ANKMY1: variants seen among roughly 807,000 people sequenced by gnomAD.
ANKMY1 encodes ankyrin repeat and MYND domain containing 1.
In ANKMY1, 98 loss-of-function variants were observed where a neutral mutation model predicts 102.0. The ratio of observed to expected loss-of-function variants is 0.96; its 90% confidence interval spans 0.82 to 1.14. The LOEUF is 1.14. ANKMY1 is among the 50% of genes most tolerant of loss of function. The probability of loss-of-function intolerance (pLI) is 0.00; values close to 1 mark genes in which losing one functional copy is unlikely to be tolerated. For synonymous variants in ANKMY1, 582 were observed against 559.9 expected, an observed-to-expected ratio of 1.04 and a Z score of -0.56; for missense variants, 1,330 against 1,347.6, an observed-to-expected ratio of 0.99 and a Z score of 0.20.
chr2:240,538,508 G>A (rs2152495886), intron 4 of ANKMY1, among the ~76,000 whole-genome samples: 1 of 152,238 alleles, frequency 6.6e-6, no homozygotes, highest in African/African-American at 2.4e-5. Flanking sequence ...GGACTCAGCT[G>A]CCTCCCCACG....
chr2:240,527,051 G>T (rs1384373332), intron 5 of ANKMY1: 38 of 976,224 alleles, frequency 3.9e-5, no homozygotes, highest in Admixed American at 1.1e-4. Flanking sequence ...GTAGGTGGAT[G>T]TATGTTGCAT....
chr2:240,508,757 T>C (rs1423811032), intron 12 of ANKMY1, among the ~76,000 whole-genome samples: 1 of 107,460 alleles, frequency 9.3e-6, no homozygotes, highest in Non-Finnish European at 1.8e-5. Flanking sequence ...AAATGATAGA[T>C]GGATGAATGA....
chr2:240,545,533 A>T (rs1486430432), intron 4 of ANKMY1, among the ~76,000 whole-genome samples: 2 of 152,250 alleles, frequency 1.3e-5, no homozygotes, highest in African/African-American at 2.4e-5. Context: ...GAGCTGAGAG[A>T]AGAAGGCTTC....
In ANKMY1 at chr2:240,520,660, A is replaced by T. The variant is rs184605640; in HGVS notation, c.1833-127T>A. 345 of 1,169,182 alleles carry T rather than the reference A, an allele frequency of 3.0e-4. 1 individual carries two copies. The African/African-American group carries it at 4.6e-3, about 16-fold the overall frequency. The allele number at this position is 1,169,182 out of a possible 1,614,324, so 72.4% of individuals were successfully genotyped here. ...GAGTATGTGTGTGCCGCAACTACACAATCACACACACAGCACACACCCACA... is the reference window on the plus strand; with the variant it reads ...GAGTATGTGTGTGCCGCAACTACACTATCACACACACAGCACACACCCACA... On this transcript the variant is annotated intron_variant, in intron 8 of 17. Coordinates refer to ENST00000401804, the MANE Select transcript of ANKMY1 (RefSeq NM_001282771.3). This position sits in a 1 kb window ranked among gnomAD's most constrained non-coding sequence, Gnocchi z 4.8.
intron 4 of ANKMY1, among the ~76,000 whole-genome samples, chr2:240,542,717 T>C (rs920360411): frequency 4.8e-5 from 4 of 83,776 alleles, no homozygotes; most frequent in African/African-American, 6.6e-5. Flanking sequence ...GATATGTTTA[T>C]ATCTATATAT....
At chr2:240,543,658 G>A (rs1204177067) in intron 4 of ANKMY1, among the ~76,000 whole-genome samples, 1 of 151,892 alleles carries the variant, frequency 6.6e-6, no homozygotes, top group Non-Finnish European at 1.5e-5. Flanking sequence ...AATATTCACA[G>A]GTTATAAAAT....
intron 4 of ANKMY1, among the ~76,000 whole-genome samples, chr2:240,544,014 G>A (rs2152538960): frequency 1.3e-5 from 2 of 152,268 alleles, no homozygotes; most frequent in Admixed American, 1.3e-4. Context: ...CAAAGAAGAT[G>A]TGCTGTGAGA....
downstream of ANKMY1, among the ~76,000 whole-genome samples, chr2:240,478,983 G>A (rs1162686154): frequency 1.3e-5 from 2 of 152,124 alleles, no homozygotes; most frequent in Non-Finnish European, 2.9e-5. Context: ...GAATTTCCAC[G>A]CAGGCCACCC....
chr2:240,532,289 A>G (rs1207093802), intron 4 of ANKMY1, among the ~76,000 whole-genome samples: 1 of 152,222 alleles, frequency 6.6e-6, no homozygotes, highest in African/African-American at 2.4e-5. Context: ...CAAGAAAATA[A>G]CTGTCAACCT....
chr2:240,538,502 T>G (rs2152495846), intron 4 of ANKMY1, among the ~76,000 whole-genome samples: 1 of 152,224 alleles, frequency 6.6e-6, no homozygotes, highest in South Asian at 2.1e-4. Flanking sequence ...TCGTGGGGAC[T>G]CAGCTGCCTC....
At chr2:240,505,492 T>C (rs1195684913) in intron 13 of ANKMY1, among the ~76,000 whole-genome samples, 1 of 151,730 alleles carries the variant, frequency 6.6e-6, no homozygotes, top group Non-Finnish European at 1.5e-5. Flanking sequence ...ATAGAATGAT[T>C]ATACCATAGG....
At chr2:240,473,824 G>A in the ANKMY1 span, among the ~76,000 whole-genome samples, 15 of 152,028 alleles carry the variant, frequency 9.9e-5, no homozygotes, top group East Asian at 3.9e-4. Flanking sequence ...ATCCTGTTTC[G>A]GTAAAAACTC....
chr2:240,530,102 C>T (rs11681046), intron 4 of ANKMY1, among the ~76,000 whole-genome samples: 5 of 152,070 alleles, frequency 3.3e-5, no homozygotes, highest in Non-Finnish European at 7.4e-5. Context: ...GCAGCTCCCA[C>T]GCCTTTGCCT....
intron 16 of ANKMY1, among the ~76,000 whole-genome samples, chr2:240,481,320 T>A (rs2075355401): frequency 6.6e-6 from 1 of 152,112 alleles, no homozygotes; most frequent in South Asian, 2.1e-4. Flanking sequence ...ACCAACACAT[T>A]CCGAGCTCTG....
chr2:240,545,087 C>T (rs1352280918), intron 4 of ANKMY1, among the ~76,000 whole-genome samples: 2 of 150,574 alleles, frequency 1.3e-5, no homozygotes, highest in Non-Finnish European at 3.0e-5. Context: ...CAACAGTAAC[C>T]TCTGCAGACT....
rs1179112780 is a variant in ANKMY1, at chr2:240,480,962, C to G, written c.3021G>C (p.Lys1007Asn). 6.2e-7 allele frequency: 1 copy of G among 1,612,278 alleles called. No individual in the cohort carries two copies. The highest frequency in any genetic ancestry group is 8.5e-7 in the Non-Finnish European group (1 of 1,178,608). Residue 1007 changes from lysine (K) to asparagine (N), a missense_variant, in exon 17 of 18, where the codon AAG (lysine) becomes AAC (asparagine). Transcript: ENST00000401804. ...KTKAWTEFHK[K>N]DCGDLVAIVT... ...CGATGGCCACCAGGTCCCCGCAGTCCTTCTTGTGGAACTCGGTCCAGGCCT... is the reference window on the plus strand; with the variant it reads ...CGATGGCCACCAGGTCCCCGCAGTCGTTCTTGTGGAACTCGGTCCAGGCCT...
chr2:240,524,520 T>C lies in ANKMY1; in HGVS notation c.1336-139A>G, dbSNP rs2082964906. 4.2e-6 allele frequency: 4 copies of C among 963,368 alleles called. No individual in the cohort carries two copies. In the South Asian group the frequency reaches 7.0e-5, roughly 17 times the overall value. 59.7% of individuals were successfully genotyped at this position (963,368 alleles called of 1,614,324 possible). A position where few individuals can be genotyped will look rare whatever the true frequency, so the allele number is the denominator to read the frequency against. Reference sequence around the variant, plus strand: ...TAGGCTGAAAAGACCAGGGCAGCTTTCCCCAAACCCTCAAAGAGAAAAGAA... The same window carrying C: ...TAGGCTGAAAAGACCAGGGCAGCTTCCCCCAAACCCTCAAAGAGAAAAGAA... On this transcript the variant is annotated intron_variant, in intron 7 of 17. Transcript: ENST00000401804.
In ANKMY1 at chr2:240,525,002, G is replaced by C. The variant is rs948681499; in HGVS notation, c.1336-621C>G. 5.3e-5 allele frequency among the ~76,000 whole-genome samples: 8 copies of C among 152,346 alleles called. No individual in the cohort carries two copies. The East Asian group carries it at 1.5e-3, about 29-fold the overall frequency. On this transcript the variant is annotated intron_variant, in intron 7 of 17. Coordinates refer to ENST00000401804, the MANE Select transcript of ANKMY1 (RefSeq NM_001282771.3). ...GAAATCGACTCTTCTGTTAAAGCTT[G>C]AAAACTGTATTTGTTTTATCTGAGT...
the ANKMY1 span, among the ~76,000 whole-genome samples, chr2:240,473,416 G>A: frequency 1.2e-4 from 17 of 143,872 alleles, no homozygotes; most frequent in Non-Finnish European, 2.0e-4. Flanking sequence ...CAACAGACTC[G>A]ATCATACAGA....
Sources: allele counts gnomAD v4.1 joint callset (sites outside exome capture counted in the v4.1 genomes callset), GRCh38; gene constraint gnomAD v4.1.1; non-coding constraint Gnocchi (gnomAD v3.1); transcripts MANE v1.5; gene names NCBI Gene and HGNC (gene_info 2026-07-23, HGNC 2026-07-21).